The following PLD5 variants were observed in gnomAD, a reference collection of about 807,000 sequenced individuals.
PLD5 encodes the protein phospholipase D family member 5, also known as inactive phospholipase D5.
PLD5 carries 36 observed loss-of-function variants against 61.1 expected under a neutral mutation model. The observed-to-expected ratio is 0.59, with a 90% CI of 0.45 to 0.78. The LOEUF (loss-of-function observed/expected upper bound fraction) is 0.78. PLD5 is among the 30% of genes least tolerant of loss of function. The probability of loss-of-function intolerance (pLI) is 0.00; values close to 1 mark genes in which losing one functional copy is unlikely to be tolerated. For missense variants in PLD5, 515 were observed against 644.4 expected (o/e 0.80, Z 2.17); for synonymous variants, 243 against 242.8 (o/e 1.00, Z -0.01).
intron 5 of PLD5, among the ~76,000 whole-genome samples, chr1:242,182,771 A>C (rs887543791): frequency 6.6e-6 from 1 of 152,216 alleles, no homozygotes; most frequent in African/African-American, 2.4e-5. Context: ...TGAACCCAGG[A>C]GACGGAGGTT....
chr1:242,197,302 A>G (rs1281605575), intron 5 of PLD5, among the ~76,000 whole-genome samples: 1 of 151,900 alleles, frequency 6.6e-6, no homozygotes, highest in Non-Finnish European at 1.5e-5. Flanking sequence ...TTTCCAATCC[A>G]TTTCCTGACA....
At chr1:242,356,642 T>G (rs1446943773) in intron 1 of PLD5, among the ~76,000 whole-genome samples, 1 of 151,586 alleles carries the variant, frequency 6.6e-6, no homozygotes, top group Non-Finnish European at 1.5e-5. Context: ...TTTCTTCCTG[T>G]CTTGTTGTTT....
At chr1:242,245,529 G>C (rs1672304673) in intron 4 of PLD5, among the ~76,000 whole-genome samples, 2 of 152,208 alleles carry the variant, frequency 1.3e-5, no homozygotes, top group Admixed American at 1.3e-4. Flanking sequence ...TTGGCTTCAG[G>C]AGGAAGCACA....
chr1:242,113,284 G>A (rs368913708), intron 7 of PLD5, among the ~76,000 whole-genome samples: 7 of 151,944 alleles, frequency 4.6e-5, no homozygotes, highest in African/African-American at 1.4e-4. Context: ...TAGTGGAGAC[G>A]GGGTTTCACC....
chr1:242,162,804 G>T (rs1665949836), intron 5 of PLD5, among the ~76,000 whole-genome samples: 1 of 152,100 alleles, frequency 6.6e-6, no homozygotes, highest in Non-Finnish European at 1.5e-5. Context: ...GACAGCTCCA[G>T]CCATGCCAGA....
chr1:242,288,185 C>T (rs1675139952), intron 3 of PLD5, among the ~76,000 whole-genome samples, 177 bp downstream of exon 3: 1 of 152,150 alleles, frequency 6.6e-6, no homozygotes, highest in African/African-American at 2.4e-5. Flanking sequence ...CTAGTAGGAG[C>T]TGAGTGACAT....
chr1:242,497,583 T>C (rs993320977), intron 1 of PLD5, among the ~76,000 whole-genome samples: 26 of 152,218 alleles, frequency 1.7e-4, no homozygotes, highest in Admixed American at 6.5e-4. Flanking sequence ...TCTCCACATA[T>C]GGCTGTTTAA....
At chr1:242,414,939 C>T (rs1435028998) in intron 1 of PLD5, among the ~76,000 whole-genome samples, 1 of 152,148 alleles carries the variant, frequency 6.6e-6, no homozygotes, top group African/African-American at 2.4e-5. Context: ...TAGAAAAATG[C>T]ACTGAAGAAA....
At chr1:242,340,427 A>G (rs1659765226) in intron 2 of PLD5, among the ~76,000 whole-genome samples, 1 of 152,100 alleles carries the variant, frequency 6.6e-6, no homozygotes, top group Non-Finnish European at 1.5e-5. Context: ...GATAAGGGGA[A>G]AATTTATAGT....
intron 1 of PLD5, among the ~76,000 whole-genome samples, chr1:242,413,897 G>C (rs1246882045): frequency 9.2e-5 from 14 of 152,182 alleles, no homozygotes; most frequent in Non-Finnish European, 1.3e-4. Context: ...AGAAGGAGTA[G>C]GGAGAGCTCC....
intron 3 of PLD5, among the ~76,000 whole-genome samples, chr1:242,267,834 T>C (rs1353753581): frequency 6.7e-6 from 1 of 149,396 alleles, no homozygotes; most frequent in Non-Finnish European, 1.5e-5. Context: ...TGAGCCATGA[T>C]TGTGCCACTG....
intron 5 of PLD5, among the ~76,000 whole-genome samples, chr1:242,128,473 C>G (rs1662977606): frequency 6.6e-6 from 1 of 152,188 alleles, no homozygotes; most frequent in South Asian, 2.1e-4. Flanking sequence ...CTGCCACACT[C>G]CCTGCTGACT....
intron 2 of PLD5, among the ~76,000 whole-genome samples, chr1:242,327,230 C>T (rs973170052): frequency 6.6e-6 from 1 of 151,942 alleles, no homozygotes; most frequent in African/African-American, 2.4e-5. Context: ...TGGTCTTGAA[C>T]AGCTAGGCTC....
chr1:242,440,289 C>T (rs1020715506), intron 1 of PLD5, among the ~76,000 whole-genome samples: 6 of 152,080 alleles, frequency 3.9e-5, no homozygotes, highest in Admixed American at 3.9e-4. Context: ...TTGGTTTCGC[C>T]AAGCATGTAG....
intron 5 of PLD5, among the ~76,000 whole-genome samples, chr1:242,131,501 C>G (rs911520173): frequency 2.0e-5 from 3 of 152,104 alleles, no homozygotes; most frequent in African/African-American, 7.2e-5. Context: ...TCGCTGTGCT[C>G]CAGGTACTGT....
intron 2 of PLD5, among the ~76,000 whole-genome samples, chr1:242,344,227 T>C (rs1440180719): frequency 6.6e-6 from 1 of 152,282 alleles, no homozygotes; most frequent in Middle Eastern, 3.4e-3. Context: ...ACCAATTACA[T>C]AGGATGTCAC....
intron 2 of PLD5, among the ~76,000 whole-genome samples, chr1:242,319,953 C>T (rs577424938): frequency 7.1e-4 from 108 of 152,348 alleles, no homozygotes; most frequent in Non-Finnish European, 1.4e-3. Flanking sequence ...TCTTCTTTCT[C>T]TTTCCCCCAA....
intron 1 of PLD5, among the ~76,000 whole-genome samples, chr1:242,481,431 G>A (rs1270826051): frequency 1.3e-5 from 2 of 152,208 alleles, no homozygotes; most frequent in Admixed American, 1.3e-4. Context: ...CTGGCTCAGA[G>A]GGTCCTACAC....
chr1:242,226,034 A>T (rs1670919503), intron 4 of PLD5, among the ~76,000 whole-genome samples: 1 of 152,230 alleles, frequency 6.6e-6, no homozygotes, highest in Non-Finnish European at 1.5e-5. Context: ...TATCCTTGCC[A>T]GAACCTGGTA....
Sources: allele counts gnomAD v4.1 joint callset (sites outside exome capture counted in the v4.1 genomes callset), GRCh38; gene constraint gnomAD v4.1.1; transcripts MANE v1.5; gene names NCBI Gene and HGNC (gene_info 2026-07-23, HGNC 2026-07-21).